The following GFRA1 variants were observed in gnomAD, a reference collection of about 807,000 sequenced individuals.
GFRA1 encodes the protein GDNF family receptor alpha 1.
Under a neutral mutation model 51.6 loss-of-function variants are expected in GFRA1, and 16 were observed. That is an observed-to-expected ratio of 0.31 (90% CI 0.21 to 0.47). GFRA1 has a LOEUF of 0.47. GFRA1 is among the 20% of genes least tolerant of loss of function. The probability of loss-of-function intolerance (pLI) is 1.00; values close to 1 mark genes in which losing one functional copy is unlikely to be tolerated. For synonymous variants in GFRA1, 270 were observed against 241.3 expected, an observed-to-expected ratio of 1.12 and a Z score of -1.10; for missense variants, 530 against 594.3, an observed-to-expected ratio of 0.89 and a Z score of 1.13.
chr10:116,115,044 A>G (rs1202501970), intron 6 of GFRA1, among the ~76,000 whole-genome samples: 1 of 152,208 alleles, frequency 6.6e-6, no homozygotes, highest in Non-Finnish European at 1.5e-5. Context: ...GGGGAAGGGA[A>G]AACAATCCCA....
intron 5 of GFRA1, among the ~76,000 whole-genome samples, chr10:116,161,766 G>C (rs1328745165): frequency 6.6e-6 from 1 of 152,226 alleles, no homozygotes; most frequent in Admixed American, 6.5e-5. Context: ...ATGTGGAACT[G>C]TGAGCCCATT....
chr10:116,083,435 C>G (rs975888572), intron 9 of GFRA1, among the ~76,000 whole-genome samples: 11 of 152,256 alleles, frequency 7.2e-5, no homozygotes, highest in Admixed American at 7.2e-4. Context: ...CAAAGCATCC[C>G]ATTGCTCTGC....
chr10:116,130,084 A>T (rs1958044696), intron 5 of GFRA1, among the ~76,000 whole-genome samples: 1 of 122,536 alleles, frequency 8.2e-6, no homozygotes, highest in Admixed American at 7.4e-5. Context: ...ATCAATGAAT[A>T]AAAAAAAAAA....
intron 9 of GFRA1, among the ~76,000 whole-genome samples, chr10:116,068,774 C>T (rs1955234146): frequency 6.6e-6 from 1 of 152,208 alleles, no homozygotes; most frequent in Non-Finnish European, 1.5e-5. Flanking sequence ...ATCAAGCTAT[C>T]ACTGTCTTGC....
chr10:116,132,888 G>A (rs370695226), intron 5 of GFRA1, among the ~76,000 whole-genome samples: 4 of 152,106 alleles, frequency 2.6e-5, no homozygotes, highest in Admixed American at 2.0e-4. Flanking sequence ...TCAGGAGCCC[G>A]CCTGTGTTTT....
chr10:116,248,277 G>T (rs908010443), intron 4 of GFRA1, among the ~76,000 whole-genome samples: 3 of 152,140 alleles, frequency 2.0e-5, no homozygotes, highest in African/African-American at 4.8e-5. Context: ...TATGAGGCTG[G>T]GCCAAGTCTT....
At chr10:116,233,375 A>C (rs1187626051) in intron 4 of GFRA1, among the ~76,000 whole-genome samples, 1 of 152,148 alleles carries the variant, frequency 6.6e-6, no homozygotes, top group African/African-American at 2.4e-5. Flanking sequence ...TTCGGAGTAC[A>C]CTTGGAAATG....
At chr10:116,228,692 G>C (rs949298755) in intron 4 of GFRA1, among the ~76,000 whole-genome samples, 4 of 152,044 alleles carry the variant, frequency 2.6e-5, no homozygotes, top group African/African-American at 9.7e-5. Flanking sequence ...AGTCAAGAAA[G>C]GCAGGTGGGG....
chr10:116,164,335 A>C, intron 5 of GFRA1, among the ~76,000 whole-genome samples: 1 of 151,242 alleles, frequency 6.6e-6, no homozygotes, highest in South Asian at 2.1e-4. Context: ...AAAAAAAAAA[A>C]CCCAATCCAA....
intron 6 of GFRA1, among the ~76,000 whole-genome samples, chr10:116,115,781 T>G (rs1565586291): frequency 6.6e-6 from 1 of 152,056 alleles, no homozygotes; most frequent in African/African-American, 2.4e-5. Context: ...ATTTATCCAG[T>G]TGGGTTAGTT....
intron 9 of GFRA1, among the ~76,000 whole-genome samples, chr10:116,082,017 G>A (rs1448528859): frequency 6.6e-6 from 1 of 152,192 alleles, no homozygotes; most frequent in Non-Finnish European, 1.5e-5. Context: ...GTGCAGATAT[G>A]GCAAAGACTG....
chr10:116,066,569 C>G (rs1440977325), intron 9 of GFRA1, among the ~76,000 whole-genome samples: 1 of 152,140 alleles, frequency 6.6e-6, no homozygotes, highest in Admixed American at 6.5e-5. Flanking sequence ...TGGTACAACC[C>G]TCCCACTTTA....
chr10:116,273,588 C>G (rs1176111512), upstream of GFRA1: 2 of 152,422 alleles, frequency 1.3e-5, no homozygotes, highest in Non-Finnish European at 2.9e-5. Flanking sequence ...CGGACCCGTA[C>G]TCGCGCACAG....
chr10:116,202,195 C>A (rs1048251696), intron 5 of GFRA1, among the ~76,000 whole-genome samples: 1 of 152,050 alleles, frequency 6.6e-6, no homozygotes, highest in Non-Finnish European at 1.5e-5. Flanking sequence ...GATGTGTAGA[C>A]AGATCATTCT....
chr10:116,234,621 T>C (rs1012432979), intron 4 of GFRA1, among the ~76,000 whole-genome samples: 1 of 152,206 alleles, frequency 6.6e-6, no homozygotes, highest in Non-Finnish European at 1.5e-5. Context: ...TATGCGAACA[T>C]TCTATAATGT....
chr10:116,138,053 A>G (rs1423714691), intron 5 of GFRA1, among the ~76,000 whole-genome samples: 1 of 152,116 alleles, frequency 6.6e-6, no homozygotes, highest in East Asian at 1.9e-4. Context: ...TATCCGCCTC[A>G]GCCTCCCAAA....
intron 6 of GFRA1, among the ~76,000 whole-genome samples, chr10:116,102,004 GATTTCAGTGTCAAGGGACTTGGTTTTCTT>G (rs771299099): frequency 3.5e-4 from 53 of 152,166 alleles, no homozygotes; most frequent in Non-Finnish European, 5.7e-4. Flanking sequence ...CTACTGTTAT[GATTTCAGTGTCAAGGGACTTGGTTTTCTT>G]CGAGTCTTGA....
At chr10:116,085,434 T>C (rs1956055758) in intron 9 of GFRA1, among the ~76,000 whole-genome samples, 1 of 152,164 alleles carries the variant, frequency 6.6e-6, no homozygotes, top group African/African-American at 2.4e-5. Context: ...TACCAATGGA[T>C]CCCAAGCTGG....
At chr10:116,217,420 A>G (rs1965636883) in intron 4 of GFRA1, among the ~76,000 whole-genome samples, 1 of 152,224 alleles carries the variant, frequency 6.6e-6, no homozygotes, top group Non-Finnish European at 1.5e-5. Flanking sequence ...GTCAAATAAT[A>G]TTTGTTCAAT....
Sources: allele counts gnomAD v4.1 joint callset (sites outside exome capture counted in the v4.1 genomes callset), GRCh38; gene constraint gnomAD v4.1.1; transcripts MANE v1.5; gene names NCBI Gene and HGNC (gene_info 2026-07-23, HGNC 2026-07-21).